The following CAMK2G variants were observed in gnomAD, a reference collection of about 807,000 sequenced individuals.
The protein encoded by CAMK2G is calcium/calmodulin-dependent protein kinase type II subunit gamma.
A neutral mutation model predicts 88.7 loss-of-function variants in CAMK2G; 23 were observed. That is an observed-to-expected ratio of 0.26 (90% CI 0.19 to 0.37). The LOEUF is 0.37. CAMK2G is among the 10% of genes least tolerant of loss of function. The pLI is 1.00. For missense variants in CAMK2G, 476 were observed against 780.8 expected (o/e 0.61, Z 4.65); for synonymous variants, 263 against 294.8 (o/e 0.89, Z 1.11).
chr10:73,820,486 A>AT (rs1472342764), intron 18 of CAMK2G, among the ~76,000 whole-genome samples: 738 of 51,766 alleles, frequency 0.014, 9 homozygotes, highest in African/African-American at 0.03. Flanking sequence ...ATATATATAT[A>AT]TATATATTTT....
chr10:73,850,614 A>G (rs1232067245), intron 5 of CAMK2G, among the ~76,000 whole-genome samples: 1 of 152,248 alleles, frequency 6.6e-6, no homozygotes, highest in African/African-American at 2.4e-5. Context: ...AAGGCTGAGG[A>G]ACTTGGCCTA....
chr10:73,855,205 C>T (rs1341565260), intron 3 of CAMK2G, among the ~76,000 whole-genome samples: 1 of 152,194 alleles, frequency 6.6e-6, no homozygotes, highest in Non-Finnish European at 1.5e-5. Context: ...CACTCACTTG[C>T]GCACCTCTGG....
chr10:73,851,233 C>T (rs1191764483), intron 5 of CAMK2G, among the ~76,000 whole-genome samples: 1 of 152,248 alleles, frequency 6.6e-6, no homozygotes, highest in African/African-American at 2.4e-5. Context: ...GCCAGATAAG[C>T]TGCAGGCAGG....
chr10:73,837,150 G>T (rs1460123401), intron 14 of CAMK2G: 4 of 342,332 alleles, frequency 1.2e-5, no homozygotes, highest in African/African-American at 8.2e-5. Flanking sequence ...ATAACCAAAT[G>T]ACCTAAAAAA....
intron 17 of CAMK2G, 54 bp from the exon 18 acceptor site, chr10:73,821,784 G>A (rs1214323225): frequency 2.1e-6 from 3 of 1,426,790 alleles, no homozygotes; most frequent in East Asian, 2.3e-5. Context: ...GAAGCCAGAG[G>A]AGCAAAGCAG....
At chr10:73,843,789 G>A (rs1192215334) in intron 10 of CAMK2G, among the ~76,000 whole-genome samples, 7 of 152,034 alleles carry the variant, frequency 4.6e-5, no homozygotes, top group African/African-American at 1.4e-4. Flanking sequence ...CCTTCCCCAA[G>A]TCTCTCATTT....
In CAMK2G at chr10:73,813,876, C is replaced by A. The variant is rs1057022458; in HGVS notation, c.*642G>T. 1 of 152,658 alleles carries A rather than the reference C, an allele frequency of 6.6e-6. No homozygotes were observed. The highest frequency in any genetic ancestry group is 1.5e-5 in the Non-Finnish European group (1 of 68,054). 9.5% of individuals were successfully genotyped at this position (152,658 alleles called of 1,614,324 possible). On this transcript the variant is annotated 3_prime_UTR_variant, in exon 23 of 23. Transcript: ENST00000423381. Reference sequence around the variant, plus strand: ...ACTAAACAAGACAGTACAGCAACGTCCGGGCTCTCAGTCCTGAGGCCACCA... The same window carrying A: ...ACTAAACAAGACAGTACAGCAACGTACGGGCTCTCAGTCCTGAGGCCACCA...
chr10:73,837,464 T>C lies in CAMK2G; in HGVS notation c.1053+4A>G, dbSNP rs765677777. 3 of 1,612,458 alleles carry C rather than the reference T, an allele frequency of 1.9e-6. No homozygotes were observed. The highest frequency in any genetic ancestry group is 1.6e-4 in the Middle Eastern group (1 of 6,080). On this transcript the variant is annotated splice_donor_region_variant and intron_variant, in intron 14 of 22. Transcript: ENST00000423381. ...CAGTCTGTTCAGAGGCTGGAGACAC[T>C]TACCTTGACACCGCCATCCGACTTC...
Position 73,821,662 on chromosome 10 carries a change from C to G in CAMK2G, c.1249+20G>C. The G allele has an allele frequency of 6.2e-7, 1 of 1,603,508 alleles. No individual in the cohort carries two copies. Among genetic ancestry groups the G allele is most frequent in the Non-Finnish European group, 8.5e-7 (1 of 1,173,392 alleles). On this transcript the variant is annotated intron_variant, in intron 18 of 22. Coordinates refer to ENST00000423381, the MANE Select transcript of CAMK2G (RefSeq NM_001367534.1). ...TGGGTCACTGCTGGAGTCCTTCCCC[C>G]TCCAAGGGCCAGCACCTACCTTTGA...
In CAMK2G at chr10:73,874,465, G is replaced by A; in HGVS notation, c.-4C>T. On this transcript the variant is annotated 5_prime_UTR_variant, in exon 1 of 23. Transcript: ENST00000423381. The stretch of plus-strand genomic sequence containing the variant: ...TGCAGGTGGCGGTGGTGGCCATGCT[G>A]GCGGGCGGGCGGACGCGGCGGTGCA... 1 of 1,493,984 alleles carries A rather than the reference G, an allele frequency of 6.7e-7. No homozygotes were observed. The highest frequency in any genetic ancestry group is 9.0e-7 in the Non-Finnish European group (1 of 1,111,198). 92.5% of individuals were successfully genotyped at this position (1,493,984 alleles called of 1,614,324 possible).
chr10:73,828,547 A>G (rs1486239228), intron 14 of CAMK2G, among the ~76,000 whole-genome samples: 1 of 152,222 alleles, frequency 6.6e-6, no homozygotes, highest in Non-Finnish European at 1.5e-5. Context: ...AGCAGCCACC[A>G]GGGAAAAAGC....
chr10:73,855,968 C>T (rs758288252), intron 3 of CAMK2G, among the ~76,000 whole-genome samples: 5 of 151,986 alleles, frequency 3.3e-5, no homozygotes, highest in African/African-American at 4.8e-5. Flanking sequence ...GAGACAGGGT[C>T]TCACTATGTT....
intron 14 of CAMK2G, among the ~76,000 whole-genome samples, chr10:73,830,887 C>T (rs1312929507): frequency 3.3e-5 from 5 of 152,192 alleles, no homozygotes; most frequent in Non-Finnish European, 5.9e-5. Context: ...AAAAAGAAAT[C>T]GCCCTATGGA....
Position 73,835,815 on chromosome 10 carries a change from A to C in CAMK2G, c.1053+1653T>G, listed in dbSNP as rs189515580. ...ATAATTTGTTGTTTTTAAGTTATAG[A>C]AATGTCATGTTGTTTTCTTTTCTCT... On this transcript the variant is annotated intron_variant, in intron 14 of 22. Transcript: ENST00000423381. 2.6e-5 allele frequency among the ~76,000 whole-genome samples: 4 copies of C among 152,226 alleles called. No homozygotes were observed. The East Asian group carries it at 5.8e-4, about 22-fold the overall frequency.
At chr10:73,833,253 G>A (rs1231764278) in intron 14 of CAMK2G, among the ~76,000 whole-genome samples, 1 of 151,758 alleles carries the variant, frequency 6.6e-6, no homozygotes, top group East Asian at 1.9e-4. Flanking sequence ...ATAAGCCACT[G>A]TGCCCAGCCT....
At position 73,857,492 on chromosome 10, in the gene CAMK2G, C is replaced by T. The variant is rs184280525; in HGVS notation, c.220+3338G>A. Among the ~76,000 whole-genome samples, 4 of 152,302 alleles carry T rather than the reference C, an allele frequency of 2.6e-5. No homozygotes were observed. In the East Asian group the frequency reaches 5.8e-4, roughly 22 times the overall value. On this transcript the variant is annotated intron_variant, in intron 3 of 22. Coordinates refer to ENST00000423381, the MANE Select transcript of CAMK2G (RefSeq NM_001367534.1). ...GCTTCTCCAAGTATTGACAGGCATG[C>T]GGACCAGTAGCATGAGCATCAGCTG... is the stretch of plus-strand genomic sequence containing the variant.
chr10:73,816,721 A>G, intron 21 of CAMK2G: 1 of 1,293,626 alleles, frequency 7.7e-7, no homozygotes, highest in Admixed American at 2.2e-5. Context: ...AGCCTCCCAA[A>G]GTGTTGGGAT....
intron 19 of CAMK2G, 28 bp from the exon 20 acceptor site, chr10:73,817,582 A>G (rs1389983995): frequency 6.6e-7 from 1 of 1,520,216 alleles, no homozygotes; most frequent in Non-Finnish European, 9.1e-7. Flanking sequence ...CCATCAATTT[A>G]CCTACTGGGG....
intron 19 of CAMK2G, among the ~76,000 whole-genome samples, chr10:73,819,051 C>T (rs994775312): frequency 1.3e-5 from 2 of 152,136 alleles, no homozygotes; most frequent in African/African-American, 2.4e-5. Flanking sequence ...TTAAACTTCA[C>T]ACTCTTGAAG....
Sources: allele counts gnomAD v4.1 joint callset (sites outside exome capture counted in the v4.1 genomes callset), GRCh38; gene constraint gnomAD v4.1.1; transcripts MANE v1.5; gene names NCBI Gene and HGNC (gene_info 2026-07-23, HGNC 2026-07-21).